The following FAM120A variants were observed in gnomAD, a reference collection of about 807,000 sequenced individuals.
FAM120A encodes family with sequence similarity 120 member A.
A neutral mutation model predicts 109.7 loss-of-function variants in FAM120A; 15 were observed. The observed-to-expected ratio is 0.14, with a 90% confidence interval of 0.09 to 0.21. The LOEUF (loss-of-function observed/expected upper bound fraction) is 0.21. Ranked by LOEUF, FAM120A falls within the 10% of genes least tolerant of loss-of-function variation. FAM120A has a pLI of 1.00. For missense variants in FAM120A, 899 were observed against 1,439.3 expected (o/e 0.62, Z 6.07); for synonymous variants, 493 against 572.8 (o/e 0.86, Z 1.99).
At chr9:93,466,498 T>G (rs1269532669) in intron 1 of FAM120A, among the ~76,000 whole-genome samples, 2 of 151,624 alleles carry the variant, frequency 1.3e-5, no homozygotes, top group Non-Finnish European at 2.9e-5. Context: ...GTGCACCTTG[T>G]GTTTTCCTGC....
At chr9:93,489,231 T>C (rs1859205919) in intron 3 of FAM120A, among the ~76,000 whole-genome samples, 1 of 152,230 alleles carries the variant, frequency 6.6e-6, no homozygotes, top group African/African-American at 2.4e-5. Flanking sequence ...TGGTTGGCTG[T>C]GGTGGATACT....
rs148158365 is a variant in FAM120A at position 93,463,719 on chromosome 9, G to C, written c.475-7422G>C. Among the ~76,000 whole-genome samples the C allele has an allele frequency of 2.6e-3, 400 of 152,284 alleles. 1 individual carries two copies. The highest frequency in any genetic ancestry group is 9.1e-3 in the African/African-American group (378 of 41,540). ...AGGTTGTTTTATATCTTCTAAATCA[G>C]CTAGCTGGCTGGAGGATGTGTCACA... On this transcript the variant is annotated intron_variant, in intron 1 of 17. Coordinates refer to ENST00000277165, the MANE Select transcript of FAM120A (RefSeq NM_014612.5).
In FAM120A at chr9:93,452,269, G is replaced by A; in HGVS notation, c.354G>A (p.Thr118=). ...AGCGGCAGGGCAACGAGCGCCAGAC[G>A]GCACAGCAGATCGTCAGCCATGTCC... ...WVKRQGNERQ[T]AQQIVSHVQN... The change falls in exon 1 of 18, where the codon ACG becomes ACA. Residue 118 remains threonine (T), a synonymous_variant. Transcript: ENST00000277165. This position sits in a 1 kb window ranked among gnomAD's most constrained non-coding sequence, Gnocchi z 7.0. 2 of 1,612,336 alleles carry A rather than the reference G, an allele frequency of 1.2e-6. No individual in the cohort carries two copies. The highest frequency in any genetic ancestry group is 2.2e-5 in the South Asian group (2 of 91,014).
At chr9:93,490,142 A>G (rs1472710721) in intron 3 of FAM120A, among the ~76,000 whole-genome samples, 2 of 152,174 alleles carry the variant, frequency 1.3e-5, no homozygotes, top group Non-Finnish European at 2.9e-5. Context: ...TCGAGCTTCC[A>G]TTTCCCTTCC....
chr9:93,514,995 G>T (rs1236840342), intron 5 of FAM120A, among the ~76,000 whole-genome samples: 5 of 152,180 alleles, frequency 3.3e-5, no homozygotes, highest in Non-Finnish European at 7.3e-5. Flanking sequence ...TTTTTGCAAG[G>T]TAGCGTGGGA....
intron 3 of FAM120A, among the ~76,000 whole-genome samples, chr9:93,494,366 G>GACC (rs1157734042): frequency 1.3e-5 from 2 of 152,162 alleles, no homozygotes; most frequent in African/African-American, 2.4e-5. Context: ...GATGCTATGG[G>GACC]ACCACCATAT....
At chr9:93,488,557 C>A (rs1419785474) in intron 3 of FAM120A, among the ~76,000 whole-genome samples, 1 of 152,086 alleles carries the variant, frequency 6.6e-6, no homozygotes, top group African/African-American at 2.4e-5. Flanking sequence ...CCAGACAAGT[C>A]CCCTTCACTG....
chr9:93,512,203 T>TG (rs1257603988), intron 5 of FAM120A, among the ~76,000 whole-genome samples: 1 of 152,244 alleles, frequency 6.6e-6, no homozygotes, highest in African/African-American at 2.4e-5. Context: ...TTTGTTAGGT[T>TG]GGGCTAGGAA....
At chr9:93,539,088 C>G (rs1588895427) in intron 10 of FAM120A, among the ~76,000 whole-genome samples, 4 of 150,784 alleles carry the variant, frequency 2.7e-5, no homozygotes, top group Admixed American at 2.6e-4. Flanking sequence ...AGCTCCGCCT[C>G]CTGGGTTGGC....
At chr9:93,503,226 C>T (rs1859881326) in intron 5 of FAM120A, among the ~76,000 whole-genome samples, 1 of 152,160 alleles carries the variant, frequency 6.6e-6, no homozygotes, top group Non-Finnish European at 1.5e-5. Context: ...CCAAGTCATG[C>T]TTGTTGGTGT....
chr9:93,472,972 C>T (rs914323244), intron 2 of FAM120A, among the ~76,000 whole-genome samples: 1 of 152,022 alleles, frequency 6.6e-6, no homozygotes, highest in Non-Finnish European at 1.5e-5. Flanking sequence ...AGCCCATGGG[C>T]TGCAGAGGCT....
chr9:93,519,648 G>C (rs568385659), intron 7 of FAM120A, among the ~76,000 whole-genome samples: 14 of 152,078 alleles, frequency 9.2e-5, no homozygotes, highest in Non-Finnish European at 1.5e-5. Flanking sequence ...TCATTGTCCA[G>C]ACCTAACTTC....
In FAM120A at chr9:93,532,095, G is replaced by A; in HGVS notation, c.1735-60G>A. 6.9e-7 allele frequency: 1 copy of A among 1,455,734 alleles called. No homozygotes were observed. Among genetic ancestry groups the A allele is most frequent in the Non-Finnish European group, 9.6e-7 (1 of 1,043,136 alleles). The allele number at this position is 1,455,734 out of a possible 1,614,324, so 90.2% of individuals were successfully genotyped here. A position where few individuals can be genotyped will look rare whatever the true frequency, so the allele number is the denominator to read the frequency against. ...GAGATAATACAGTATATTTCTGTGA[G>A]TGTATTGTAAATTCAACATGAAAAA... On this transcript the variant is annotated intron_variant, in intron 9 of 17. Coordinates refer to ENST00000277165, the MANE Select transcript of FAM120A (RefSeq NM_014612.5). The surrounding 1 kb of genome is among the most constrained non-coding windows in gnomAD (Gnocchi z 4.3).
At chr9:93,526,107 T>G (rs1861070016) in intron 7 of FAM120A, among the ~76,000 whole-genome samples, 1 of 152,234 alleles carries the variant, frequency 6.6e-6, no homozygotes, top group Admixed American at 6.5e-5. Context: ...CAGCACTGGT[T>G]TTCAGAAGGT....
intron 1 of FAM120A, among the ~76,000 whole-genome samples, chr9:93,465,958 T>G (rs1857996085): frequency 6.6e-6 from 1 of 152,126 alleles, no homozygotes; most frequent in African/African-American, 2.4e-5. Context: ...TATATTAAAT[T>G]ATGGCTGTGT....
In FAM120A at chr9:93,451,851, C is replaced by A. The variant is rs1857234299; in HGVS notation, c.-65C>A. The A allele has an allele frequency of 1.0e-6, 1 of 974,986 alleles. No individual in the cohort carries two copies. The highest frequency in any genetic ancestry group is 6.3e-5 in the Admixed American group (1 of 15,990). The allele number at this position is 974,986 out of a possible 1,614,324, so 60.4% of individuals were successfully genotyped here. A position where few individuals can be genotyped will look rare whatever the true frequency, so the allele number is the denominator to read the frequency against. ...CGCCCGCCAGCCCGCCCGCGCGCCACGGCCCCACCACCCCCGGCCCCGCCG... is the reference window on the plus strand; with the variant it reads ...CGCCCGCCAGCCCGCCCGCGCGCCAAGGCCCCACCACCCCCGGCCCCGCCG... On this transcript the variant is annotated 5_prime_UTR_variant, in exon 1 of 18. Transcript: ENST00000277165.
chr9:93,562,646 T>C (rs1349182474), intron 17 of FAM120A, among the ~76,000 whole-genome samples: 1 of 151,556 alleles, frequency 6.6e-6, no homozygotes, highest in African/African-American at 2.4e-5. Flanking sequence ...AGTTTCTTTT[T>C]TTTTCTTTCT....
At position 93,497,601 on chromosome 9, in the gene FAM120A, T is replaced by TTA; in HGVS notation, c.933+2_933+3insTA. On this transcript the variant is annotated splice_region_variant and intron_variant, in intron 4 of 17. Transcript: ENST00000277165. Reference sequence around the variant, plus strand: ...AAAGATGTTTTCCAGCATTCACAGGTAAAAAAAAAAACAAACAAAACAAAA... The same window carrying TTA: ...AAAGATGTTTTCCAGCATTCACAGGTTAAAAAAAAAAAACAAACAAAACAAAA... 1 of 1,317,150 alleles carries TTA rather than the reference T, an allele frequency of 7.6e-7. No homozygotes were observed. Among genetic ancestry groups the TTA allele is most frequent in the Non-Finnish European group, 1.0e-6 (1 of 967,412 alleles). 81.6% of individuals were successfully genotyped at this position (1,317,150 alleles called of 1,614,324 possible).
At chr9:93,547,834 G>C (rs1861943275) in intron 11 of FAM120A, among the ~76,000 whole-genome samples, 1 of 152,120 alleles carries the variant, frequency 6.6e-6, no homozygotes, top group Admixed American at 6.5e-5. Flanking sequence ...TCTTAACCAG[G>C]ATCTGTTTTG....
Sources: allele counts gnomAD v4.1 joint callset (sites outside exome capture counted in the v4.1 genomes callset), GRCh38; gene constraint gnomAD v4.1.1; non-coding constraint Gnocchi (gnomAD v3.1); transcripts MANE v1.5; gene names NCBI Gene and HGNC (gene_info 2026-07-23, HGNC 2026-07-21).